Variants in EIF5A2 observed in about 807,000 individuals in gnomAD.
EIF5A2 encodes eukaryotic translation initiation factor 5A-2.
Under a neutral mutation model 16.4 loss-of-function variants are expected in EIF5A2, and 15 were observed. The observed-to-expected ratio is 0.92, with a 90% CI of 0.61 to 1.41. The LOEUF (loss-of-function observed/expected upper bound fraction) is 1.41, where lower values mean the gene tolerates loss of function less well. Among genes scored for constraint, EIF5A2 ranks in the 40% most tolerant of loss-of-function variants. EIF5A2 has a pLI of 0.00. For synonymous variants in EIF5A2, 48 were observed against 61.1 expected (o/e 0.79, Z 1.00); for missense variants, 144 against 189.5 (o/e 0.76, Z 1.41).
intron 4 of EIF5A2, 28 bp downstream of exon 4, chr3:170,894,264 C>G (rs1187517661): frequency 6.2e-7 from 1 of 1,603,288 alleles, no homozygotes; most frequent in Non-Finnish European, 8.5e-7. Flanking sequence ...AAATGGTTTT[C>G]AAAAATAATC....
chr3:170,902,196 G>T (rs1198487682), intron 3 of EIF5A2, among the ~76,000 whole-genome samples: 2 of 152,104 alleles, frequency 1.3e-5, no homozygotes, highest in East Asian at 1.9e-4. Flanking sequence ...TGACTAGATG[G>T]ACAGTTGCCT....
At chr3:170,895,167 C>G (rs1435105569) in intron 3 of EIF5A2, among the ~76,000 whole-genome samples, 1 of 151,726 alleles carries the variant, frequency 6.6e-6, no homozygotes, top group Non-Finnish European at 1.5e-5. Context: ...CATGGACATA[C>G]TATTACTGAT....
Position 170,907,739 on chromosome 3 carries a change from G to A in EIF5A2, c.68C>T (p.Ser23Leu), listed in dbSNP as rs1276322843. The stretch of plus-strand genomic sequence containing the variant: ...CACGAAGCCGTTTTTGCGCAAGGCC[G>A]AGCACTGCATAGGGTAAGTGCTGGA... ...GASSTYPMQC[S>L]ALRKNGFVVL... Residue 23 changes from serine (S) to leucine (L), a missense_variant, in exon 2 of 5, where the codon TCG becomes TTG. Coordinates refer to ENST00000295822, the MANE Select transcript of EIF5A2 (RefSeq NM_020390.6). 1.9e-6 allele frequency: 3 copies of A among 1,608,782 alleles called. No individual in the cohort carries two copies. The highest frequency in any genetic ancestry group is 2.2e-5 in the South Asian group (2 of 90,720).
Position 170,892,635 on chromosome 3 carries a change from A to T in EIF5A2, c.*725T>A, listed in dbSNP as rs771306682. ...TGACTTACAAAGTCCTCACATAAAA[A>T]CTTATAGATTTAATCAACCCTCTTT... On this transcript the variant is annotated 3_prime_UTR_variant, in exon 5 of 5. Coordinates refer to ENST00000295822, the MANE Select transcript of EIF5A2 (RefSeq NM_020390.6). 7.6e-6 allele frequency: 3 copies of T among 397,078 alleles called. No homozygotes were observed. The highest frequency in any genetic ancestry group is 4.4e-5 in the Admixed American group (1 of 22,686). The allele number at this position is 397,078 out of a possible 1,614,324, so 24.6% of individuals were successfully genotyped here. A position where few individuals can be genotyped will look rare whatever the true frequency, so the allele number is the denominator to read the frequency against.
At chr3:170,893,994 G>C (rs986240189) in intron 4 of EIF5A2, among the ~76,000 whole-genome samples, 4 of 151,356 alleles carry the variant, frequency 2.6e-5, no homozygotes, top group Non-Finnish European at 4.4e-5. Flanking sequence ...TCACGCCACT[G>C]CACTCCAGCC....
Position 170,891,148 on chromosome 3 carries a change from G to A in EIF5A2, c.*2212C>T, listed in dbSNP as rs1339113057. The A allele has an allele frequency of 6.6e-6, 1 of 152,464 alleles. No homozygotes were observed. The highest frequency in any genetic ancestry group is 1.5e-5 in the Non-Finnish European group (1 of 68,004). 9.4% of individuals were successfully genotyped at this position (152,464 alleles called of 1,614,324 possible). A position where few individuals can be genotyped will look rare whatever the true frequency, so the allele number is the denominator to read the frequency against. On this transcript the variant is annotated 3_prime_UTR_variant, in exon 5 of 5. Coordinates refer to ENST00000295822, the MANE Select transcript of EIF5A2 (RefSeq NM_020390.6). ...TAGGAAGAACAGGGGCATGCTAATT[G>A]AGAGTTAATACTGAATCATAACACC...
At position 170,895,615 on chromosome 3, in the gene EIF5A2, C is replaced by A. The variant is rs139782399; in HGVS notation, c.271-1192G>T. Among the ~76,000 whole-genome samples, 85 of 152,288 alleles carry A rather than the reference C, an allele frequency of 5.6e-4. No individual in the cohort carries two copies. The East Asian group carries it at 0.012, about 22-fold the overall frequency. ...TAACCCAGGCATATCGTTGGGATTG[C>A]TCTCCTCCACATACACCATCTACCA... On this transcript the variant is annotated intron_variant, in intron 3 of 4. Transcript: ENST00000295822.
In EIF5A2 at chr3:170,893,158, A is replaced by C; in HGVS notation, c.*202T>G. 1.3e-5 allele frequency: 6 copies of C among 465,436 alleles called. No homozygotes were observed. The highest frequency in any genetic ancestry group is 2.2e-5 in the Non-Finnish European group (6 of 269,264). 28.8% of individuals were successfully genotyped at this position (465,436 alleles called of 1,614,324 possible). Reference sequence around the variant, plus strand: ...CAGGAATATTATAGGAAACATATCTACAAAATTCAAAAAAAATTATACATA... The same window carrying C: ...CAGGAATATTATAGGAAACATATCTCCAAAATTCAAAAAAAATTATACATA... On this transcript the variant is annotated 3_prime_UTR_variant, in exon 5 of 5. Coordinates refer to ENST00000295822, the MANE Select transcript of EIF5A2 (RefSeq NM_020390.6).
rs1438450675 is a variant in EIF5A2 at position 170,889,259 on chromosome 3, T to C, written c.*4101A>G. 1 of 152,432 alleles carries C rather than the reference T, an allele frequency of 6.6e-6. No homozygotes were observed. Among genetic ancestry groups the C allele is most frequent in the East Asian group, 1.9e-4 (1 of 5,188 alleles). The allele number at this position is 152,432 out of a possible 1,614,324, so 9.4% of individuals were successfully genotyped here. ...CACTTGACCTCACTTGGTAGCTAAG[T>C]TGGTGTTCAGATGTTTGTTTAATGG... On this transcript the variant is annotated 3_prime_UTR_variant, in exon 5 of 5. Coordinates refer to ENST00000295822, the MANE Select transcript of EIF5A2 (RefSeq NM_020390.6).
chr3:170,906,108 G>A (rs35555642), intron 3 of EIF5A2, among the ~76,000 whole-genome samples: 20,142 of 151,984 alleles, frequency 0.13, 1,598 homozygotes, highest in Middle Eastern at 0.24. Flanking sequence ...TACAACAAAG[G>A]GTACAGAAAA....
At position 170,900,396 on chromosome 3, in the gene EIF5A2, G is replaced by A. The variant is rs996266242; in HGVS notation, c.271-5973C>T. Among the ~76,000 whole-genome samples, 6 of 151,370 alleles carry A rather than the reference G, an allele frequency of 4.0e-5. No homozygotes were observed. In the South Asian group the frequency reaches 1.0e-3, roughly 26 times the overall value. On this transcript the variant is annotated intron_variant, in intron 3 of 4. Coordinates refer to ENST00000295822, the MANE Select transcript of EIF5A2 (RefSeq NM_020390.6). ...AAAAAAAAAAAAAAAAAAAGAATGGGGTATTTTTTATTTCCTACTAAAATA... is the reference window on the plus strand; with the variant it reads ...AAAAAAAAAAAAAAAAAAAGAATGGAGTATTTTTTATTTCCTACTAAAATA...
chr3:170,900,751 T>C (rs562957915), intron 3 of EIF5A2, among the ~76,000 whole-genome samples: 41 of 152,126 alleles, frequency 2.7e-4, no homozygotes, highest in African/African-American at 7.5e-4. Flanking sequence ...AAGAGTCAAA[T>C]ACACCCACCC....
rs1394410622 is a variant in EIF5A2 at position 170,889,306 on chromosome 3, G to A, written c.*4054C>T. 2.6e-5 allele frequency: 4 copies of A among 152,344 alleles called. No homozygotes were observed. Among genetic ancestry groups the A allele is most frequent in the Admixed American group, 6.6e-5 (1 of 15,254 alleles). The allele number at this position is 152,344 out of a possible 1,614,324, so 9.4% of individuals were successfully genotyped here. On this transcript the variant is annotated 3_prime_UTR_variant, in exon 5 of 5. Coordinates refer to ENST00000295822, the MANE Select transcript of EIF5A2 (RefSeq NM_020390.6). ...ATGGAAAAACATTAAATTACATATT[G>A]GCTTCAAGCCATGTTCCCATAGAAC... is the stretch of plus-strand genomic sequence containing the variant.
At chr3:170,905,727 T>G (rs1302540382) in intron 3 of EIF5A2, among the ~76,000 whole-genome samples, 2 of 152,200 alleles carry the variant, frequency 1.3e-5, no homozygotes, top group African/African-American at 4.8e-5. Context: ...CACTTTTTGG[T>G]ACGTATCTAC....
At chr3:170,902,094 C>T (rs977131412) in intron 3 of EIF5A2, among the ~76,000 whole-genome samples, 2 of 152,278 alleles carry the variant, frequency 1.3e-5, no homozygotes, top group Admixed American at 1.3e-4. Context: ...TGAGAAGGAC[C>T]TAAAGGTACA....
In EIF5A2 at chr3:170,896,321, TAAAAC is replaced by T. The variant is rs576786329; in HGVS notation, c.271-1903_271-1899del. 2.4e-4 allele frequency among the ~76,000 whole-genome samples: 36 copies of T among 152,310 alleles called. No homozygotes were observed. The East Asian group carries it at 6.2e-3, about 26-fold the overall frequency. The stretch of plus-strand genomic sequence containing the variant: ...ATTAAATACAATTAGTTTTCAAAAA[TAAAAC>T]TAAGCTACGAAAAACAAAAATAATG... On this transcript the variant is annotated intron_variant, in intron 3 of 4. Coordinates refer to ENST00000295822, the MANE Select transcript of EIF5A2 (RefSeq NM_020390.6).
chr3:170,901,102 G>A (rs892920782), intron 3 of EIF5A2, among the ~76,000 whole-genome samples: 3 of 152,210 alleles, frequency 2.0e-5, no homozygotes, highest in African/African-American at 7.2e-5. Flanking sequence ...ACAAGGGACA[G>A]AGGAACATGT....
chr3:170,897,648 G>A (rs1423947073), intron 3 of EIF5A2, among the ~76,000 whole-genome samples: 1 of 152,236 alleles, frequency 6.6e-6, no homozygotes, highest in Admixed American at 6.5e-5. Context: ...TTCAGAGGAT[G>A]TATGAAATGC....
rs765769323 is a variant in EIF5A2, at chr3:170,893,294, A to T, written c.*66T>A. The T allele has an allele frequency of 6.4e-7, 1 of 1,560,738 alleles. No homozygotes were observed. Among genetic ancestry groups the T allele is most frequent in the Non-Finnish European group, 8.8e-7 (1 of 1,141,116 alleles). ...TATGAAGGCTATAGCTTTGGTGACA[A>T]CTTAGAACCAAATTAGATCTGCAGT... On this transcript the variant is annotated 3_prime_UTR_variant, in exon 5 of 5. Transcript: ENST00000295822.
Sources: gnomAD v4.1 joint callset for allele counts (sites outside exome capture counted in the v4.1 genomes callset) on GRCh38, gnomAD v4.1.1 for gene constraint, MANE v1.5 for transcripts, NCBI Gene and HGNC (gene_info 2026-07-23, HGNC 2026-07-21) for gene names.